The following MYO1B variants were observed in gnomAD, a reference collection of about 807,000 sequenced individuals.
MYO1B encodes unconventional myosin-Ib.
Under a neutral mutation model 159.7 loss-of-function variants are expected in MYO1B, and 72 were observed. The observed-to-expected ratio is 0.45, with a 90% CI of 0.37 to 0.55. The LOEUF (loss-of-function observed/expected upper bound fraction) is 0.55, where lower values mean the gene tolerates loss of function less well. Ranked by LOEUF, MYO1B falls within the 20% of genes least tolerant of loss-of-function variation. The pLI, the probability that MYO1B is intolerant of heterozygous loss-of-function variation, is 0.00. For missense variants in MYO1B, 1,062 were observed against 1,364.8 expected (o/e 0.78, Z 3.50); for synonymous variants, 468 against 473.8 (o/e 0.99, Z 0.16).
intron 1 of MYO1B, among the ~76,000 whole-genome samples, chr2:191,253,401 A>G (rs1686245850): frequency 6.6e-6 from 1 of 151,958 alleles, no homozygotes. Context: ...TTCACTCTCA[A>G]CTGTGTCTTG....
At position 191,411,167 on chromosome 2, in the gene MYO1B, A is replaced by G. The variant is rs895483645; in HGVS notation, c.2868A>G (p.Pro956=). 34 of 1,575,630 alleles carry G rather than the reference A, an allele frequency of 2.2e-5. No individual in the cohort carries two copies. The highest frequency in any genetic ancestry group is 2.7e-5 in the African/African-American group (2 of 72,980). Residue 956 remains proline (P), a synonymous_variant, in exon 27 of 31, where the codon CCA becomes CCG. Coordinates refer to ENST00000392318, the MANE Select transcript of MYO1B (RefSeq NM_001130158.3). ...TCAAAGACAAGAAGGCTTTATACCCATCTAGGTATTATGGCTTTGCTTTAC... is the reference window on the plus strand; with the variant it reads ...TCAAAGACAAGAAGGCTTTATACCCGTCTAGGTATTATGGCTTTGCTTTAC... ...ELFKDKKALY[P]SSVGQPFQGA... is the part of the protein sequence containing the mutation.
At chr2:191,265,794 T>C (rs1471289717) in intron 1 of MYO1B, among the ~76,000 whole-genome samples, 1 of 152,242 alleles carries the variant, frequency 6.6e-6, no homozygotes, top group Non-Finnish European at 1.5e-5. Flanking sequence ...CAGCGGTTTA[T>C]AGTTTTTGGC....
chr2:191,358,637 T>C (rs904904714), intron 7 of MYO1B, among the ~76,000 whole-genome samples: 11 of 152,196 alleles, frequency 7.2e-5, no homozygotes, highest in African/African-American at 2.4e-4. Flanking sequence ...TTTTTGATGG[T>C]GTTATTTTGT....
At chr2:191,278,618 T>A (rs1687880412) in intron 2 of MYO1B, among the ~76,000 whole-genome samples, 1 of 152,196 alleles carries the variant, frequency 6.6e-6, no homozygotes, top group Admixed American at 6.5e-5. Flanking sequence ...TAAACTGAAA[T>A]GTGTTTACAG....
Position 191,411,069 on chromosome 2 carries a change from A to G in MYO1B, c.2770A>G (p.Lys924Glu), listed in dbSNP as rs747635840. 31 of 1,584,996 alleles carry G rather than the reference A, an allele frequency of 2.0e-5. No individual in the cohort carries two copies. The highest frequency in any genetic ancestry group is 2.6e-5 in the Non-Finnish European group (30 of 1,164,232). The part of the protein sequence containing the change: ...LKRIFHLWRC[K>E]KYRDQFTDQQ... ...TCTTTCTTCTCATATCTCACAGTGT[A>G]AAAAATACAGGGACCAATTCACAGA... The change falls in exon 27 of 31, where the codon AAA becomes GAA. Residue 924 changes from lysine (K) to glutamate (E), a missense_variant. Physicochemically the swap from Lys to Glu is moderately conservative, Grantham distance 56. Coordinates refer to ENST00000392318, the MANE Select transcript of MYO1B (RefSeq NM_001130158.3).
intron 2 of MYO1B, among the ~76,000 whole-genome samples, chr2:191,295,672 T>C (rs1688940662): frequency 6.6e-6 from 1 of 151,838 alleles, no homozygotes; most frequent in African/African-American, 2.4e-5. Flanking sequence ...GAGGTGTGGG[T>C]AGGGAAGAGG....
intron 13 of MYO1B, chr2:191,381,059 AGTTCAGG>A (rs1695012838): frequency 3.4e-6 from 1 of 297,974 alleles, no homozygotes; most frequent in Admixed American, 4.6e-5. Context: ...ATAAGGGGTC[AGTTCAGG>A]GGGACTTCCT....
At chr2:191,357,512 T>C (rs2126000990) in intron 7 of MYO1B, among the ~76,000 whole-genome samples, 1 of 152,338 alleles carries the variant, frequency 6.6e-6, no homozygotes, top group South Asian at 2.1e-4. Context: ...TAAACTTAAA[T>C]TTGTATCTTG....
chr2:191,252,934 G>C (rs570684664), intron 1 of MYO1B, among the ~76,000 whole-genome samples: 1 of 152,058 alleles, frequency 6.6e-6, no homozygotes, highest in South Asian at 2.1e-4. Flanking sequence ...CTGATTTATT[G>C]TTCTCCCCTA....
intron 1 of MYO1B, among the ~76,000 whole-genome samples, chr2:191,252,385 C>T (rs931274493): frequency 6.6e-6 from 1 of 152,214 alleles, no homozygotes; most frequent in Admixed American, 6.5e-5. Context: ...TAGAGTTAGA[C>T]TCCTGATGTC....
In MYO1B at chr2:191,341,555, G is replaced by T; in HGVS notation, c.441G>T (p.Pro147=). ...AAGAACAGCTTTTACAGTCCAACCCGGTCCTGGAAGGTAGGATGTGTTATG... is the reference window on the plus strand; with the variant it reads ...AAGAACAGCTTTTACAGTCCAACCCTGTCCTGGAAGGTAGGATGTGTTATG... The part of the protein sequence containing the change: ...QVKEQLLQSN[P]VLEAFGNAKT... Residue 147 remains proline, a synonymous_variant, in exon 5 of 31, where the codon CCG becomes CCT. Transcript: ENST00000392318. 6.2e-7 allele frequency: 1 copy of T among 1,612,754 alleles called. No individual in the cohort carries two copies. Among genetic ancestry groups the T allele is most frequent in the Middle Eastern group, 1.7e-4 (1 of 6,056 alleles).
chr2:191,379,037 C>A (rs1694888521), intron 13 of MYO1B, among the ~76,000 whole-genome samples: 1 of 152,112 alleles, frequency 6.6e-6, no homozygotes, highest in African/African-American at 2.4e-5. Context: ...AAGAACCCTC[C>A]CCTAGCAAAC....
chr2:191,383,195 A>G, intron 14 of MYO1B, 85 bp from the exon 15 acceptor site: 3 of 770,694 alleles, frequency 3.9e-6, no homozygotes, highest in East Asian at 6.4e-5. Context: ...GGGAAATATG[A>G]TAAGATGGTC....
chr2:191,264,146 A>G (rs1686983319), intron 1 of MYO1B, among the ~76,000 whole-genome samples: 1 of 152,160 alleles, frequency 6.6e-6, no homozygotes, highest in Admixed American at 6.5e-5. Context: ...GAAATAACCC[A>G]CTGCAGCAGT....
intron 13 of MYO1B, among the ~76,000 whole-genome samples, chr2:191,372,696 T>C (rs1417169661): frequency 1.3e-5 from 2 of 152,150 alleles, no homozygotes; most frequent in Non-Finnish European, 2.9e-5. Flanking sequence ...TTTAACTTGA[T>C]GCTGGGTGAA....
chr2:191,269,294 C>T (rs1015034720), intron 1 of MYO1B, among the ~76,000 whole-genome samples: 4 of 152,162 alleles, frequency 2.6e-5, no homozygotes, highest in African/African-American at 9.7e-5. Context: ...AACTTAGTGC[C>T]CTCAAGGTTC....
intron 2 of MYO1B, among the ~76,000 whole-genome samples, chr2:191,284,702 G>A (rs376520033): frequency 1.3e-5 from 2 of 152,044 alleles, no homozygotes; most frequent in African/African-American, 4.8e-5. Flanking sequence ...GCACCATCTT[G>A]GTTCATTACA....
At chr2:191,254,565 G>A (rs1161673629) in intron 1 of MYO1B, among the ~76,000 whole-genome samples, 1 of 151,946 alleles carries the variant, frequency 6.6e-6, no homozygotes, top group African/African-American at 2.4e-5. Context: ...GAATGCAATG[G>A]CATGATCGTA....
intron 3 of MYO1B, among the ~76,000 whole-genome samples, chr2:191,322,981 C>G (rs1690828137): frequency 6.6e-6 from 1 of 152,130 alleles, no homozygotes; most frequent in African/African-American, 2.4e-5. Context: ...ATGTGCTAAA[C>G]AAGGGGTGGA....
Sources: gnomAD v4.1 joint callset for allele counts (sites outside exome capture counted in the v4.1 genomes callset) on GRCh38, gnomAD v4.1.1 for gene constraint, MANE v1.5 for transcripts, NCBI Gene and HGNC (gene_info 2026-07-23, HGNC 2026-07-21) for gene names.